MOK: variants seen among roughly 807,000 people sequenced by gnomAD.
MOK encodes MOK protein kinase.
In MOK, 59 loss-of-function variants were observed where a neutral mutation model predicts 54.2. That is an observed-to-expected ratio of 1.09 (90% CI 0.88 to 1.35). MOK has a LOEUF of 1.35. MOK is among the 40% of genes most tolerant of loss of function. The probability of loss-of-function intolerance (pLI) is 0.00; values close to 1 mark genes in which losing one functional copy is unlikely to be tolerated. For synonymous variants in MOK, 210 were observed against 202.7 expected (o/e 1.04, Z -0.31); for missense variants, 517 against 526.2 (o/e 0.98, Z 0.17).
At chr14:102,255,220 A>G (rs1377144443) in intron 4 of MOK, among the ~76,000 whole-genome samples, 5 of 152,206 alleles carry the variant, frequency 3.3e-5, no homozygotes, top group Admixed American at 2.0e-4. Context: ...TGGGAGGCTG[A>G]GGCAGGAGAA....
intron 2 of MOK, among the ~76,000 whole-genome samples, chr14:102,272,572 G>A (rs556821524): frequency 5.3e-5 from 8 of 152,062 alleles, no homozygotes; most frequent in Non-Finnish European, 5.9e-5. Context: ...CATATGTTAT[G>A]ACTAAGTGGG....
At position 102,230,598 on chromosome 14, in the gene MOK, G is replaced by A. The variant is rs539835927; in HGVS notation, c.982-941C>T. The A allele has an allele frequency of 6.6e-6, 1 of 152,524 alleles. No homozygotes were observed. The highest frequency in any genetic ancestry group is 2.4e-5 in the African/African-American group (1 of 41,452). 9.4% of individuals were successfully genotyped at this position (152,524 alleles called of 1,614,324 possible). ...CGGATGTGACTGAGGGTGGGGACTT[G>A]GGTGAATGCCGGCCAGGAGTGACAT... On this transcript the variant is annotated intron_variant, in intron 10 of 11. Coordinates refer to ENST00000361847, the MANE Select transcript of MOK (RefSeq NM_014226.3). The surrounding 1 kb of genome is among the most constrained non-coding windows in gnomAD (Gnocchi z 4.1).
At position 102,236,846 on chromosome 14, in the gene MOK, C is replaced by T. The variant is rs1371844787; in HGVS notation, c.591-3057G>A. ...TTCACGCCGTCTTCTTAGGCCAACA[C>T]GTTCTTCATATAACACCACCATCCT... On this transcript the variant is annotated intron_variant, in intron 7 of 11. Coordinates refer to ENST00000361847, the MANE Select transcript of MOK (RefSeq NM_014226.3). This position sits in a 1 kb window ranked among gnomAD's most constrained non-coding sequence, Gnocchi z 4.5. 2.0e-5 allele frequency among the ~76,000 whole-genome samples: 3 copies of T among 152,318 alleles called. No homozygotes were observed. Among genetic ancestry groups the T allele is most frequent in the South Asian group, 2.1e-4 (1 of 4,826 alleles).
chr14:102,274,649 C>T (rs780140954), intron 2 of MOK, among the ~76,000 whole-genome samples: 1 of 151,608 alleles, frequency 6.6e-6, no homozygotes, highest in Non-Finnish European at 1.5e-5. Context: ...TGTGGATGTA[C>T]AGAGGACCTA....
At chr14:102,301,451 A>C (rs756077946) in intron 1 of MOK, among the ~76,000 whole-genome samples, 16 of 152,162 alleles carry the variant, frequency 1.1e-4, no homozygotes, top group Non-Finnish European at 2.1e-4. Context: ...CACACCCCTA[A>C]ACACAGGGCA....
chr14:102,263,465 G>A (rs45447494), intron 4 of MOK, 81 bp downstream of exon 4: 68,543 of 990,254 alleles, frequency 0.069, 2,763 homozygotes, highest in South Asian at 0.11. Flanking sequence ...GGTGACTAAT[G>A]ATGTTGAGAA....
intron 4 of MOK, among the ~76,000 whole-genome samples, chr14:102,262,178 CT>C (rs1238669421): frequency 1.3e-5 from 2 of 152,100 alleles, no homozygotes; most frequent in African/African-American, 2.4e-5. Context: ...CAGAGTCTCG[CT>C]CTGTCGCCCA....
At position 102,292,879 on chromosome 14, in the gene MOK, A is replaced by T. The variant is rs148256511; in HGVS notation, c.8-9287T>A. Among the ~76,000 whole-genome samples, 583 of 152,286 alleles carry T rather than the reference A, an allele frequency of 3.8e-3. 5 individuals are homozygous for T. Among genetic ancestry groups the T allele is most frequent in the African/African-American group, 0.013 (548 of 41,558 alleles). ...CTGGGTGTGGTAGCTCATGCCTGTA[A>T]TCCCAGCACTTTGTGAGGCTGAGGT... is the stretch of plus-strand genomic sequence containing the variant. On this transcript the variant is annotated intron_variant, in intron 1 of 11. Transcript: ENST00000361847.
Position 102,286,600 on chromosome 14 carries a change from G to A in MOK, c.8-3008C>T, listed in dbSNP as rs115365512. Among the ~76,000 whole-genome samples the A allele has an allele frequency of 4.6e-3, 698 of 152,130 alleles. 6 individuals carry two copies. The highest frequency in any genetic ancestry group is 0.016 in the African/African-American group (648 of 41,500). ...TACGCTAGCCTGGGCGACAGAGGGA[G>A]ACCCTGTCTAAAAGAAAAAAAAATA... On this transcript the variant is annotated intron_variant, in intron 1 of 11. Coordinates refer to ENST00000361847, the MANE Select transcript of MOK (RefSeq NM_014226.3).
rs1307577904 is a variant in MOK, at chr14:102,281,729, G to A, written c.122+1749C>T. On this transcript the variant is annotated intron_variant, in intron 2 of 11. Transcript: ENST00000361847. ...CAAGTAGCTGGAATTTCAGGTGTGA[G>A]CCACAGCACCCAGCTGTCTGCTCTT... 1.9e-4 allele frequency among the ~76,000 whole-genome samples: 29 copies of A among 152,102 alleles called. 1 individual carries two copies.
chr14:102,214,874 GT>G, the MOK span: 2,791 of 716,024 alleles, frequency 3.9e-3, 2 homozygotes, highest in African/African-American at 8.7e-3. Flanking sequence ...TCACTGCTTT[GT>G]TTTTTTTTTT....
chr14:102,241,385 C>T lies in MOK; in HGVS notation c.591-7596G>A, dbSNP rs541581892. Among the ~76,000 whole-genome samples, 6 of 152,320 alleles carry T rather than the reference C, an allele frequency of 3.9e-5. No individual in the cohort carries two copies. In the East Asian group the frequency reaches 9.6e-4, roughly 24 times the overall value. On this transcript the variant is annotated intron_variant, in intron 7 of 11. Coordinates refer to ENST00000361847, the MANE Select transcript of MOK (RefSeq NM_014226.3). ...ACACAGGGTCCAGCTTACAGTTTCA[C>T]GTGGGGAGACTAGCCCTCCCGCACC...
rs34084056 is a variant in MOK at position 102,263,573 on chromosome 14, C to T, written c.256G>A (p.Asp86Asn). The stretch of plus-strand genomic sequence containing the variant: ...CGTATTAGCTCATAAATATTCATGT[C>T]CATAAGTTCACATATTAGTGCAAGA... ...GSLALICELM[D>N]MNIYELIRGR... Residue 86 changes from aspartate to asparagine, a missense_variant, in exon 4 of 12, where the codon GAC (aspartate) becomes AAC (asparagine). Coordinates refer to ENST00000361847, the MANE Select transcript of MOK (RefSeq NM_014226.3). 11,045 of 1,605,988 alleles carry T rather than the reference C, an allele frequency of 6.9e-3. 55 individuals carry two copies. Among genetic ancestry groups the T allele is most frequent in the South Asian group, 0.011 (991 of 88,896 alleles).
chr14:102,288,133 C>G (rs1405348953), intron 1 of MOK, among the ~76,000 whole-genome samples: 1 of 150,790 alleles, frequency 6.6e-6, no homozygotes, highest in Non-Finnish European at 1.5e-5. Context: ...CGCACCCGGC[C>G]TGAGATGTTA....
Position 102,236,767 on chromosome 14 carries a change from C to A in MOK, c.591-2978G>T, listed in dbSNP as rs1051709565. ...CTAAATTTCCCAGCATCCCCAAAAA[C>A]CCTATCTCCCTAACCCACCAAAAAG... On this transcript the variant is annotated intron_variant, in intron 7 of 11. Coordinates refer to ENST00000361847, the MANE Select transcript of MOK (RefSeq NM_014226.3). This position sits in a 1 kb window ranked among gnomAD's most constrained non-coding sequence, Gnocchi z 4.5. Among the ~76,000 whole-genome samples the A allele has an allele frequency of 1.6e-4, 25 of 152,164 alleles. No individual in the cohort carries two copies. Among genetic ancestry groups the A allele is most frequent in the African/African-American group, 6.0e-4 (25 of 41,426 alleles).
At chr14:102,294,189 G>A (rs1037963128) in intron 1 of MOK, among the ~76,000 whole-genome samples, 7 of 151,344 alleles carry the variant, frequency 4.6e-5, no homozygotes, top group African/African-American at 7.4e-5. Flanking sequence ...GCTCATGCCT[G>A]TAATCCCAGC....
At chr14:102,254,109 C>A (rs373472293) in intron 4 of MOK, among the ~76,000 whole-genome samples, 1 of 151,830 alleles carries the variant, frequency 6.6e-6, no homozygotes, top group Non-Finnish European at 1.5e-5. Flanking sequence ...CTCAGCCTCT[C>A]GAGTAGTTGG....
At chr14:102,248,732 C>T (rs2066291521) in intron 7 of MOK, among the ~76,000 whole-genome samples, 1 of 147,376 alleles carries the variant, frequency 6.8e-6, no homozygotes, top group Admixed American at 6.9e-5. Context: ...GAGCCCAGAT[C>T]GCGCCACTGC....
At chr14:102,263,097 G>T (rs919072621) in intron 4 of MOK, among the ~76,000 whole-genome samples, 7 of 152,222 alleles carry the variant, frequency 4.6e-5, no homozygotes, top group Non-Finnish European at 8.8e-5. Context: ...AAATGAACGA[G>T]CATCCTGGAA....
Sources: gnomAD v4.1 joint callset for allele counts (sites outside exome capture counted in the v4.1 genomes callset) on GRCh38, gnomAD v4.1.1 for gene constraint, Gnocchi (gnomAD v3.1) non-coding constraint, MANE v1.5 for transcripts, NCBI Gene and HGNC (gene_info 2026-07-23, HGNC 2026-07-21) for gene names.